The following CCDC169 variants were observed in gnomAD, a reference collection of about 807,000 sequenced individuals.
CCDC169 encodes the protein coiled-coil domain-containing protein 169.
In CCDC169, 30 loss-of-function variants were observed where a neutral mutation model predicts 36.0. That is an observed-to-expected ratio of 0.83 (90% CI 0.62 to 1.13). The LOEUF (loss-of-function observed/expected upper bound fraction) is 1.13, where lower values mean the gene tolerates loss of function less well. Among genes scored for constraint, CCDC169 ranks in the 50% most tolerant of loss-of-function variants. The pLI is 0.00. For synonymous variants in CCDC169, 85 were observed against 81.5 expected, an observed-to-expected ratio of 1.04 and a Z score of -0.23; for missense variants, 245 against 245.9, an observed-to-expected ratio of 1.00 and a Z score of 0.03.
Position 36,287,738 on chromosome 13 carries a change from T to G in CCDC169, c.164-4036A>C, listed in dbSNP as rs374621223. The stretch of plus-strand genomic sequence containing the variant: ...GGTCTTCAGAATTGTCCCCATACAT[T>G]TTTGTCTAAGTGGTTTTATATTTGT... On this transcript the variant is annotated intron_variant, in intron 2 of 7. Coordinates refer to ENST00000239859, the MANE Select transcript of CCDC169 (RefSeq NM_001144981.3). Among the ~76,000 whole-genome samples, 4 of 152,304 alleles carry G rather than the reference T, an allele frequency of 2.6e-5. No individual in the cohort carries two copies. The South Asian group carries it at 6.2e-4, about 24-fold the overall frequency.
At chr13:36,243,654 A>G (rs1400915693) in intron 7 of CCDC169, among the ~76,000 whole-genome samples, 1 of 152,070 alleles carries the variant, frequency 6.6e-6, no homozygotes, top group African/African-American at 2.4e-5. Context: ...TAAAAATACA[A>G]AATTAGCCAA....
chr13:36,224,556 C>T (rs976688177), downstream of CCDC169: 9 of 152,060 alleles, frequency 5.9e-5, no homozygotes, highest in African/African-American at 2.2e-4. Flanking sequence ...CAAAGACATA[C>T]ACAAAAACCC....
intron 7 of CCDC169, 59 bp from the exon 8 acceptor site, chr13:36,231,351 T>A (rs1437337001): frequency 2.0e-6 from 3 of 1,482,798 alleles, no homozygotes; most frequent in Admixed American, 2.0e-5. Context: ...AACAAAAACA[T>A]TATAGGCCAC....
At chr13:36,290,867 T>G (rs1395031249) in intron 2 of CCDC169, among the ~76,000 whole-genome samples, 5 of 151,930 alleles carry the variant, frequency 3.3e-5, no homozygotes, top group Non-Finnish European at 7.4e-5. Flanking sequence ...GGGGTCCCAC[T>G]GAGAGGCACG....
At chr13:36,288,414 A>C (rs907051883) in intron 2 of CCDC169, among the ~76,000 whole-genome samples, 1 of 152,232 alleles carries the variant, frequency 6.6e-6, no homozygotes, top group African/African-American at 2.4e-5. Context: ...ATACATGTAA[A>C]TGAGATAAAT....
chr13:36,295,764 A>G lies in CCDC169; in HGVS notation c.163+14T>C. 7.2e-7 allele frequency: 1 copy of G among 1,381,532 alleles called. No individual in the cohort carries two copies. Among genetic ancestry groups the G allele is most frequent in the East Asian group, 2.5e-5 (1 of 39,622 alleles). 85.6% of individuals were successfully genotyped at this position (1,381,532 alleles called of 1,614,324 possible). A position where few individuals can be genotyped will look rare whatever the true frequency, so the allele number is the denominator to read the frequency against. On this transcript the variant is annotated intron_variant, in intron 2 of 7. Coordinates refer to ENST00000239859, the MANE Select transcript of CCDC169 (RefSeq NM_001144981.3). ...TTATACAGGAGTCACAAATATAAGT[A>G]TTTACTTATATACCTTCATTGTCAG...
intron 4 of CCDC169, among the ~76,000 whole-genome samples, chr13:36,279,877 C>T (rs1877286904): frequency 6.6e-6 from 1 of 152,142 alleles, no homozygotes; most frequent in Admixed American, 6.5e-5. Context: ...GAAAAGTTTG[C>T]TAAGCCTAGA....
At chr13:36,252,453 T>C (rs1016355396) in intron 6 of CCDC169, among the ~76,000 whole-genome samples, 7 of 152,166 alleles carry the variant, frequency 4.6e-5, no homozygotes, top group African/African-American at 1.7e-4. Flanking sequence ...TTCCTCTCAA[T>C]CCTTTCATTA....
intron 6 of CCDC169, among the ~76,000 whole-genome samples, chr13:36,252,754 A>G (rs1873327137): frequency 6.6e-6 from 1 of 152,160 alleles, no homozygotes; most frequent in Non-Finnish European, 1.5e-5. Flanking sequence ...ATAATTTTCA[A>G]ATCTTTATTT....
intron 6 of CCDC169, among the ~76,000 whole-genome samples, chr13:36,249,488 G>A (rs1360435139): frequency 2.0e-5 from 3 of 152,090 alleles, no homozygotes; most frequent in Admixed American, 6.6e-5. Flanking sequence ...TAAACTAGGC[G>A]AAAGCATGAT....
chr13:36,227,102 G>T, downstream of CCDC169: 2 of 680,234 alleles, frequency 2.9e-6, no homozygotes, highest in Non-Finnish European at 4.5e-6. Context: ...CAGCAGAGTG[G>T]GTCCCAATCT....
chr13:36,265,319 T>C (rs1224049921), intron 4 of CCDC169, among the ~76,000 whole-genome samples: 1 of 152,236 alleles, frequency 6.6e-6, no homozygotes, highest in Non-Finnish European at 1.5e-5. Flanking sequence ...TTTCAAGATA[T>C]ATACACGTTC....
At chr13:36,287,197 A>G (rs1878357068) in intron 2 of CCDC169, among the ~76,000 whole-genome samples, 2 of 152,160 alleles carry the variant, frequency 1.3e-5, no homozygotes, top group Non-Finnish European at 2.9e-5. Flanking sequence ...CCTGCTTTAA[A>G]TCTGCTGTTA....
Position 36,285,603 on chromosome 13 carries a change from A to ATAGATAGATAGATAGC in CCDC169, c.164-1902_164-1901insGCTATCTATCTATCTA, listed in dbSNP as rs1555254450. ...TAAAATAAGATAGATAGATAGATAG[A>ATAGATAGATAGATAGC]TAGATAGATAGATAGATACATAGAT... On this transcript the variant is annotated intron_variant, in intron 2 of 7. Transcript: ENST00000239859. Among the ~76,000 whole-genome samples the ATAGATAGATAGATAGC allele has an allele frequency of 1.8e-3, 264 of 148,262 alleles. 1 individual carries two copies. Among genetic ancestry groups the ATAGATAGATAGATAGC allele is most frequent in the East Asian group, 2.5e-3 (12 of 4,762 alleles).
At chr13:36,266,241 T>C (rs1280797790) in intron 4 of CCDC169, among the ~76,000 whole-genome samples, 1 of 152,140 alleles carries the variant, frequency 6.6e-6, no homozygotes, top group East Asian at 1.9e-4. Flanking sequence ...CCATTCTTAA[T>C]TGGCTTGGCA....
intron 4 of CCDC169, among the ~76,000 whole-genome samples, chr13:36,272,912 T>C (rs1876293541): frequency 6.6e-6 from 1 of 152,204 alleles, no homozygotes; most frequent in Admixed American, 6.5e-5. Context: ...GTGTTCATCT[T>C]CAACTGTCTC....
rs184738051 is a variant in CCDC169, at chr13:36,240,294, A to C, written c.545+8312T>G. Among the ~76,000 whole-genome samples, 25 of 152,126 alleles carry C rather than the reference A, an allele frequency of 1.6e-4. No homozygotes were observed. In the East Asian group the frequency reaches 4.8e-3, roughly 29 times the overall value. On this transcript the variant is annotated intron_variant, in intron 7 of 7. Transcript: ENST00000239859. Reference sequence around the variant, plus strand: ...TATTTAAAATAATTATAAAGTATACATATTCTTATATAAAACCTAAGAGGC... The same window carrying C: ...TATTTAAAATAATTATAAAGTATACCTATTCTTATATAAAACCTAAGAGGC...
At chr13:36,277,419 G>A (rs1876962106) in intron 4 of CCDC169, among the ~76,000 whole-genome samples, 1 of 152,070 alleles carries the variant, frequency 6.6e-6, no homozygotes, top group African/African-American at 2.4e-5. Context: ...CATGGCACAT[G>A]TTTACCTATG....
chr13:36,283,460 T>C lies in CCDC169; in HGVS notation c.315+9A>G. 3 of 1,546,708 alleles carry C rather than the reference T, an allele frequency of 1.9e-6. No homozygotes were observed. The highest frequency in any genetic ancestry group is 2.6e-6 in the Non-Finnish European group (3 of 1,143,490). ...ATTATTCTTTGTGTTTAATCACATT[T>C]CTACTCACCACTGGCATTCGTTCAT... On this transcript the variant is annotated intron_variant, in intron 4 of 7. Coordinates refer to ENST00000239859, the MANE Select transcript of CCDC169 (RefSeq NM_001144981.3).
Sources: gnomAD v4.1 joint callset for allele counts (sites outside exome capture counted in the v4.1 genomes callset) on GRCh38, gnomAD v4.1.1 for gene constraint, MANE v1.5 for transcripts, NCBI Gene and HGNC (gene_info 2026-07-23, HGNC 2026-07-21) for gene names.